The following CCDC40 variants were observed in gnomAD, a reference collection of about 807,000 sequenced individuals.
CCDC40 encodes the protein coiled-coil domain 40 molecular ruler complex subunit, also known as coiled-coil domain-containing protein 40.
Under a neutral mutation model 124.5 loss-of-function variants are expected in CCDC40, and 104 were observed. That is an observed-to-expected ratio of 0.84 (90% CI 0.71 to 0.98). CCDC40 has a LOEUF of 0.98. Among genes scored for constraint, CCDC40 ranks in the 50% least tolerant of loss-of-function variants. The pLI is 0.00. For missense variants in CCDC40, 1,463 were observed against 1,503.9 expected (o/e 0.97, Z 0.45); for synonymous variants, 580 against 602.9 (o/e 0.96, Z 0.56).
chr17:80,054,974 C>CAAA (rs11323639), intron 7 of CCDC40, among the ~76,000 whole-genome samples: 1 of 135,136 alleles, frequency 7.4e-6, no homozygotes. Flanking sequence ...GACACTGTCT[C>CAAA]AAAAAAAAAA....
At chr17:80,057,639 G>A (rs2037783419) in intron 7 of CCDC40, among the ~76,000 whole-genome samples, 1 of 151,986 alleles carries the variant, frequency 6.6e-6, no homozygotes, top group Admixed American at 6.6e-5. Context: ...CACTTTGGGA[G>A]GCCAAGGTGG....
chr17:80,088,005 A>G lies in CCDC40; in HGVS notation c.2620-6A>G. 1 of 1,333,920 alleles carries G rather than the reference A, an allele frequency of 7.5e-7. No individual in the cohort carries two copies. Among genetic ancestry groups the G allele is most frequent in the Non-Finnish European group, 1.0e-6 (1 of 954,114 alleles). 82.6% of individuals were successfully genotyped at this position (1,333,920 alleles called of 1,614,324 possible). A position where few individuals can be genotyped will look rare whatever the true frequency, so the allele number is the denominator to read the frequency against. On this transcript the variant is annotated splice_region_variant and splice_polypyrimidine_tract_variant and intron_variant, in intron 15 of 19. Coordinates refer to ENST00000397545, the MANE Select transcript of CCDC40 (RefSeq NM_017950.4). ...CCACAGCTGTCCCGCCCCCTCCCCC[A>G]TGCAGGCCTCTGAGAGGGAGACCAT...
intron 12 of CCDC40, among the ~76,000 whole-genome samples, chr17:80,084,454 GA>G (rs753640258): frequency 3.5e-4 from 53 of 152,266 alleles, no homozygotes; most frequent in Non-Finnish European, 4.3e-4. Context: ...GGATTATGGG[GA>G]CACAATTCAA....
At chr17:80,047,150 T>G (rs1246885256) in intron 3 of CCDC40, 129 bp from the exon 4 acceptor site, 3 of 1,101,816 alleles carry the variant, frequency 2.7e-6, no homozygotes, top group Non-Finnish European at 4.0e-6. Context: ...CCGGCCAGGT[T>G]TTTTAAAAAA....
In CCDC40 at chr17:80,058,654, A is replaced by G. The variant is rs1195804872; in HGVS notation, c.1317+3A>G. ...CAGAAATCGAGAAGAAAAAGCAGGT[A>G]TTCTGCAAACTCGACACATGTTTAA... On this transcript the variant is annotated splice_donor_region_variant and intron_variant, in intron 8 of 19. Transcript: ENST00000397545. The surrounding 1 kb of genome is among the most constrained non-coding windows in gnomAD (Gnocchi z 4.2). The G allele has an allele frequency of 1.2e-6, 2 of 1,614,064 alleles. No individual in the cohort carries two copies. Among genetic ancestry groups the G allele is most frequent in the East Asian group, 2.2e-5 (1 of 44,898 alleles).
At chr17:80,079,525 C>T (rs1598530036) in intron 10 of CCDC40, among the ~76,000 whole-genome samples, 2 of 152,122 alleles carry the variant, frequency 1.3e-5, no homozygotes, top group Admixed American at 1.3e-4. Flanking sequence ...ATGCCTGTGC[C>T]ATAATTTAAT....
intron 10 of CCDC40, among the ~76,000 whole-genome samples, chr17:80,080,855 C>A (rs1223042356): frequency 6.6e-6 from 1 of 152,156 alleles, no homozygotes; most frequent in Non-Finnish European, 1.5e-5. Context: ...TGTTCAATAG[C>A]ATGTCACAGT....
In CCDC40 at chr17:80,066,034, C is replaced by A; in HGVS notation, c.1562+428C>A. The A allele has an allele frequency of 1.4e-6, 1 of 697,272 alleles. No individual in the cohort carries two copies. The highest frequency in any genetic ancestry group is 2.7e-5 in the East Asian group (1 of 37,176). The allele number at this position is 697,272 out of a possible 1,614,324, so 43.2% of individuals were successfully genotyped here. A position where few individuals can be genotyped will look rare whatever the true frequency, so the allele number is the denominator to read the frequency against. On this transcript the variant is annotated intron_variant, in intron 10 of 19. Transcript: ENST00000397545. This position sits in a 1 kb window ranked among gnomAD's most constrained non-coding sequence, Gnocchi z 4.4. Reference sequence around the variant, plus strand: ...CCAAAGGAAGGGGAGGAAGAGGCCTCCTCTGGGCATCCCCTCACTTCTGGG... The same window carrying A: ...CCAAAGGAAGGGGAGGAAGAGGCCTACTCTGGGCATCCCCTCACTTCTGGG...
At chr17:80,091,302 TACACACACACAC>T (rs71163919) in intron 17 of CCDC40, among the ~76,000 whole-genome samples, 3,900 of 139,582 alleles carry the variant, frequency 0.028, 79 homozygotes, top group Non-Finnish European at 0.037. Flanking sequence ...ACCAGTAGAC[TACACACACACAC>T]ACACACACAC....
intron 3 of CCDC40, among the ~76,000 whole-genome samples, chr17:80,045,335 A>G (rs990883485): frequency 6.6e-6 from 1 of 152,322 alleles, no homozygotes; most frequent in African/African-American, 2.4e-5. Flanking sequence ...ACCCTGACTC[A>G]TTGTCTGGGT....
At chr17:80,074,274 G>T (rs2038260619) in intron 10 of CCDC40, among the ~76,000 whole-genome samples, 1 of 152,170 alleles carries the variant, frequency 6.6e-6, no homozygotes, top group Admixed American at 6.5e-5. Context: ...ACTTTGGAAG[G>T]CCCAGGCAGG....
chr17:80,073,727 ACT>A (rs1568698942), intron 10 of CCDC40, among the ~76,000 whole-genome samples: 2 of 151,786 alleles, frequency 1.3e-5, no homozygotes, highest in Non-Finnish European at 2.9e-5. Context: ...TTTTTGAGAC[ACT>A]CTGTCCCCCA....
Position 80,061,530 on chromosome 17 carries a change from C to T in CCDC40, c.1440+2550C>T, listed in dbSNP as rs534585131. On this transcript the variant is annotated intron_variant, in intron 9 of 19. Coordinates refer to ENST00000397545, the MANE Select transcript of CCDC40 (RefSeq NM_017950.4). The stretch of plus-strand genomic sequence containing the variant: ...CCAAGGAGACTCGCCCTGTGTGCTT[C>T]CACACCCTGGAGGCAGGTGGGCTAC... Among the ~76,000 whole-genome samples, 37 of 152,316 alleles carry T rather than the reference C, an allele frequency of 2.4e-4. 1 individual carries two copies. Among genetic ancestry groups the T allele is most frequent in the African/African-American group, 8.9e-4 (37 of 41,576 alleles).
intron 3 of CCDC40, among the ~76,000 whole-genome samples, chr17:80,042,383 G>A (rs893677808): frequency 1.3e-5 from 2 of 152,186 alleles, no homozygotes; most frequent in South Asian, 2.1e-4. Context: ...GCTTCCCAAA[G>A]TGTTGGGATT....
chr17:80,094,440 T>A (rs1313284133), intron 17 of CCDC40, among the ~76,000 whole-genome samples: 1 of 151,706 alleles, frequency 6.6e-6, no homozygotes, highest in Non-Finnish European at 1.5e-5. Context: ...AAAGGCTGGG[T>A]GCAGTGGCTT....
intron 7 of CCDC40, among the ~76,000 whole-genome samples, chr17:80,050,707 A>T (rs1454694269): frequency 6.6e-6 from 1 of 152,140 alleles, no homozygotes; most frequent in Non-Finnish European, 1.5e-5. Context: ...GCCTCCCAAA[A>T]TGCTGGGATT....
intron 3 of CCDC40, among the ~76,000 whole-genome samples, chr17:80,041,368 C>CAGGT (rs2037277589): frequency 1.3e-5 from 2 of 151,920 alleles, no homozygotes; most frequent in African/African-American, 4.8e-5. Flanking sequence ...ATTAGCTGGA[C>CAGGT]GTGGTGGTGC....
At chr17:80,077,319 G>T (rs2038333103) in intron 10 of CCDC40, among the ~76,000 whole-genome samples, 1 of 152,148 alleles carries the variant, frequency 6.6e-6, no homozygotes. Flanking sequence ...TCAAGAGTTT[G>T]AGACCAGCCT....
rs1016009747 is a variant in CCDC40, at chr17:80,058,278, C to G, written c.1160-216C>G. Among the ~76,000 whole-genome samples the G allele has an allele frequency of 1.3e-5, 2 of 152,182 alleles. No individual in the cohort carries two copies. Among genetic ancestry groups the G allele is most frequent in the African/African-American group, 4.8e-5 (2 of 41,444 alleles). ...TTGCTGCAATTTGTGGATGTAGATT[C>G]CGTATATTTTTGTCTCTTCCAAGAG... On this transcript the variant is annotated intron_variant, in intron 7 of 19. Coordinates refer to ENST00000397545, the MANE Select transcript of CCDC40 (RefSeq NM_017950.4). The surrounding 1 kb of genome is among the most constrained non-coding windows in gnomAD (Gnocchi z 4.2).
Sources: allele counts gnomAD v4.1 joint callset (sites outside exome capture counted in the v4.1 genomes callset), GRCh38; gene constraint gnomAD v4.1.1; non-coding constraint Gnocchi (gnomAD v3.1); transcripts MANE v1.5; gene names NCBI Gene and HGNC (gene_info 2026-07-23, HGNC 2026-07-21).